The following EVL variants were observed in gnomAD, a reference collection of about 807,000 sequenced individuals.
The protein encoded by EVL is Enah/Vasp-like, also known as ena/VASP-like protein.
In EVL, 21 loss-of-function variants were observed where a neutral mutation model predicts 59.6. The ratio of observed to expected loss-of-function variants is 0.35; its 90% confidence interval spans 0.25 to 0.51. The LOEUF (loss-of-function observed/expected upper bound fraction) is 0.51. EVL is among the 20% of genes least tolerant of loss of function. The pLI, the probability that EVL is intolerant of heterozygous loss-of-function variation, is 0.97. For synonymous variants in EVL, 198 were observed against 203.5 expected, an observed-to-expected ratio of 0.97 and a Z score of 0.23; for missense variants, 462 against 546.6, an observed-to-expected ratio of 0.85 and a Z score of 1.54.
intron 1 of EVL, among the ~76,000 whole-genome samples, chr14:100,039,434 G>A (rs1387646880): frequency 2.6e-5 from 4 of 152,056 alleles, no homozygotes; most frequent in Non-Finnish European, 5.9e-5. Flanking sequence ...ACAGGGTTTT[G>A]CCATGTCGGT....
chr14:99,976,277 A>G (rs1451111542), intron 1 of EVL, among the ~76,000 whole-genome samples: 1 of 151,896 alleles, frequency 6.6e-6, no homozygotes, highest in Admixed American at 6.6e-5. Context: ...CTTGGCCTCC[A>G]GTGATACTCC....
chr14:100,066,871 T>C (rs2061940875), intron 1 of EVL, among the ~76,000 whole-genome samples: 2 of 152,214 alleles, frequency 1.3e-5, no homozygotes, highest in Non-Finnish European at 2.9e-5. Context: ...GGCACCTTAT[T>C]CTCCACTTCA....
intron 1 of EVL, among the ~76,000 whole-genome samples, chr14:100,021,754 C>A (rs967398715): frequency 1.3e-5 from 2 of 152,140 alleles, no homozygotes; most frequent in African/African-American, 4.8e-5. Context: ...CCAGACTTAA[C>A]AACCATTGGC....
At chr14:100,083,334 G>A (rs1326609066) in intron 1 of EVL, among the ~76,000 whole-genome samples, 1 of 152,032 alleles carries the variant, frequency 6.6e-6, no homozygotes, top group African/African-American at 2.4e-5. Context: ...ACTGTGATTT[G>A]ACCCAACGTC....
intron 1 of EVL, among the ~76,000 whole-genome samples, chr14:100,028,043 A>G (rs1287235266): frequency 6.6e-6 from 1 of 151,898 alleles, no homozygotes; most frequent in Admixed American, 6.6e-5. Flanking sequence ...TCTCTTCAGT[A>G]TACCAATTTC....
At chr14:100,013,360 T>C (rs1316701133) in intron 1 of EVL, among the ~76,000 whole-genome samples, 1 of 152,262 alleles carries the variant, frequency 6.6e-6, no homozygotes, top group African/African-American at 2.4e-5. Flanking sequence ...GCATATTTGA[T>C]AATATTAGCT....
intron 7 of EVL, 79 bp downstream of exon 7, chr14:100,129,763 C>CCT: frequency 7.0e-7 from 1 of 1,432,532 alleles, no homozygotes; most frequent in Non-Finnish European, 9.2e-7. Context: ...CACAGAGAAT[C>CCT]CTCTCTTGAC....
chr14:100,091,473 T>C (rs1320990681), intron 2 of EVL, among the ~76,000 whole-genome samples: 1 of 152,136 alleles, frequency 6.6e-6, no homozygotes, highest in East Asian at 1.9e-4. Context: ...CAGTAAAGTC[T>C]CCATAAAAGG....
chr14:100,054,618 A>G (rs1242923424), intron 1 of EVL, among the ~76,000 whole-genome samples: 1 of 152,012 alleles, frequency 6.6e-6, no homozygotes, highest in Non-Finnish European at 1.5e-5. Context: ...TGCTAGAATT[A>G]TTCAGGTATA....
chr14:100,114,301 C>G lies in EVL; in HGVS notation c.359-9238C>G, dbSNP rs1887190585. Reference sequence around the variant, plus strand: ...TCTGCACACTTGCTCCCTTCTGACGCCACACCTACCCTGTTCCATCCCATT... The same window carrying G: ...TCTGCACACTTGCTCCCTTCTGACGGCACACCTACCCTGTTCCATCCCATT... On this transcript the variant is annotated intron_variant, in intron 3 of 13. Transcript: ENST00000392920. The surrounding 1 kb of genome is among the most constrained non-coding windows in gnomAD (Gnocchi z 5.0). Among the ~76,000 whole-genome samples the G allele has an allele frequency of 6.6e-6, 1 of 152,100 alleles. No individual in the cohort carries two copies. Among genetic ancestry groups the G allele is most frequent in the Non-Finnish European group, 1.5e-5 (1 of 68,016 alleles).
At chr14:100,048,483 C>T (rs950928270) in intron 1 of EVL, among the ~76,000 whole-genome samples, 7 of 152,098 alleles carry the variant, frequency 4.6e-5, no homozygotes, top group Admixed American at 6.5e-5. Context: ...ACTGACAGTG[C>T]CTTGGGGGTG....
chr14:100,143,594 A>G, intron 13 of EVL, 107 bp from the exon 14 acceptor site: 1 of 1,371,196 alleles, frequency 7.3e-7, no homozygotes, highest in South Asian at 1.2e-5. Flanking sequence ...AGGAGATGGA[A>G]CAGGGACACA....
At chr14:100,102,529 T>C in intron 3 of EVL, 1 of 372,382 alleles carries the variant, frequency 2.7e-6, no homozygotes, top group Non-Finnish European at 5.3e-6. Context: ...TTGTTTAGCT[T>C]CTAGAGCCAT....
chr14:100,122,143 G>T (rs1467779676), intron 3 of EVL, among the ~76,000 whole-genome samples: 2 of 152,174 alleles, frequency 1.3e-5, no homozygotes, highest in Admixed American at 1.3e-4. Flanking sequence ...TGGCAGTCAG[G>T]GGGCGGGGGG....
chr14:99,984,328 C>T (rs1432935558), intron 1 of EVL, among the ~76,000 whole-genome samples: 3 of 151,998 alleles, frequency 2.0e-5, no homozygotes, highest in African/African-American at 2.4e-5. Flanking sequence ...CCACTGTAAC[C>T]CTTAGTATCC....
At position 100,075,784 on chromosome 14, in the gene EVL, G is replaced by A. The variant is rs200963645; in HGVS notation, c.12-8903G>A. ...CATATACCTACTGAGCGTAAGGAAT[G>A]TACCCAGCATGGTACTGGTCACCCT... On this transcript the variant is annotated intron_variant, in intron 1 of 13. Coordinates refer to ENST00000392920, the MANE Select transcript of EVL (RefSeq NM_016337.3). Among the ~76,000 whole-genome samples, 10 of 152,314 alleles carry A rather than the reference G, an allele frequency of 6.6e-5. No homozygotes were observed. The East Asian group carries it at 1.9e-3, about 29-fold the overall frequency.
chr14:99,995,019 A>G (rs1418871371), intron 1 of EVL, among the ~76,000 whole-genome samples: 2 of 152,284 alleles, frequency 1.3e-5, no homozygotes, highest in African/African-American at 4.8e-5. Flanking sequence ...TTATTTGATA[A>G]TCTTATAGGA....
chr14:100,025,397 GC>G, intron 1 of EVL, among the ~76,000 whole-genome samples: 1 of 152,244 alleles, frequency 6.6e-6, no homozygotes, highest in East Asian at 1.9e-4. Flanking sequence ...GGATTGCTCT[GC>G]CCCCAGGTGG....
intron 1 of EVL, among the ~76,000 whole-genome samples, chr14:99,999,958 G>C (rs946092055): frequency 1.3e-5 from 2 of 152,302 alleles, no homozygotes; most frequent in African/African-American, 2.4e-5. Context: ...GAAGCCTTTA[G>C]AAGTGCTTTT....
Sources: gnomAD v4.1 joint callset for allele counts (sites outside exome capture counted in the v4.1 genomes callset) on GRCh38, gnomAD v4.1.1 for gene constraint, Gnocchi (gnomAD v3.1) non-coding constraint, MANE v1.5 for transcripts, NCBI Gene and HGNC (gene_info 2026-07-23, HGNC 2026-07-21) for gene names.